The following ADCK1 variants were observed in gnomAD, a reference collection of about 807,000 sequenced individuals.
The protein encoded by ADCK1 is aarF domain-containing protein kinase 1.
Under a neutral mutation model 52.3 loss-of-function variants are expected in ADCK1, and 41 were observed. The ratio of observed to expected loss-of-function variants is 0.78; its 90% CI spans 0.61 to 1.02. The LOEUF (loss-of-function observed/expected upper bound fraction) is 1.02. ADCK1 is among the 50% of genes least tolerant of loss of function. ADCK1 has a pLI of 0.00. For synonymous variants in ADCK1, 250 were observed against 274.6 expected (o/e 0.91, Z 0.89); for missense variants, 658 against 679.5 (o/e 0.97, Z 0.35).
At chr14:77,926,572 C>A (rs563356923) in intron 9 of ADCK1, among the ~76,000 whole-genome samples, 1 of 152,210 alleles carries the variant, frequency 6.6e-6, no homozygotes, top group Admixed American at 6.5e-5. Context: ...CCTCTGCCTC[C>A]GGGGTTCAAG....
At chr14:77,881,348 G>A (rs2083017966) in intron 4 of ADCK1, among the ~76,000 whole-genome samples, 2 of 152,164 alleles carry the variant, frequency 1.3e-5, no homozygotes, top group Admixed American at 6.5e-5. Context: ...CCCAGAGCAA[G>A]CAATCCAAGG....
At chr14:77,864,921 A>G (rs2082631434) in intron 4 of ADCK1, among the ~76,000 whole-genome samples, 1 of 152,138 alleles carries the variant, frequency 6.6e-6, no homozygotes, top group African/African-American at 2.4e-5. Context: ...TCAGACCCTT[A>G]TCTGATTGCA....
chr14:77,895,108 G>A (rs947411933), intron 5 of ADCK1, among the ~76,000 whole-genome samples: 10 of 152,072 alleles, frequency 6.6e-5, no homozygotes, highest in African/African-American at 2.4e-4. Context: ...TTACATTTCT[G>A]TGTGGCCCAT....
chr14:77,805,207 A>AT (rs1321943610), intron 1 of ADCK1, among the ~76,000 whole-genome samples: 3 of 116,338 alleles, frequency 2.6e-5, no homozygotes, highest in African/African-American at 3.5e-5. Flanking sequence ...ACTCTGTCTC[A>AT]TTTAAAAAAA....
At chr14:77,857,087 C>T (rs947810179) in intron 3 of ADCK1, among the ~76,000 whole-genome samples, 6 of 151,972 alleles carry the variant, frequency 3.9e-5, no homozygotes, top group African/African-American at 1.2e-4. Flanking sequence ...TCTGCTGTGT[C>T]GGGAGGTGGG....
intron 6 of ADCK1, among the ~76,000 whole-genome samples, chr14:77,903,253 A>G (rs957464594): frequency 6.6e-5 from 10 of 152,244 alleles, no homozygotes; most frequent in African/African-American, 1.9e-4. Context: ...GCCTAAACAC[A>G]TAACAAGGGG....
chr14:77,874,983 G>T (rs2082866696), intron 4 of ADCK1, among the ~76,000 whole-genome samples: 1 of 152,128 alleles, frequency 6.6e-6, no homozygotes, highest in African/African-American at 2.4e-5. Context: ...TCTGTCCAGG[G>T]ACAGGAGGGG....
At chr14:77,859,807 T>C (rs1029105130) in intron 4 of ADCK1, among the ~76,000 whole-genome samples, 12 of 152,230 alleles carry the variant, frequency 7.9e-5, no homozygotes, top group African/African-American at 2.4e-4. Context: ...GTGCTTAGTA[T>C]AGTACCTGAT....
At position 77,885,470 on chromosome 14, in the gene ADCK1, A is replaced by G. The variant is rs567935551; in HGVS notation, c.424-1621A>G. 1.9e-3 allele frequency among the ~76,000 whole-genome samples: 295 copies of G among 152,296 alleles called. 1 individual carries two copies. The highest frequency in any genetic ancestry group is 6.8e-3 in the African/African-American group (282 of 41,558). On this transcript the variant is annotated intron_variant, in intron 4 of 10. Transcript: ENST00000238561. ...GGCCTTTCATCTGGGCAGGTTGTTG[A>G]TAAATGGGGATGGAGTTTAGTGAAA...
intron 7 of ADCK1, 68 bp downstream of exon 7, chr14:77,907,987 C>A (rs748476373): frequency 3.3e-5 from 44 of 1,349,106 alleles, no homozygotes; most frequent in Non-Finnish European, 4.3e-5. Flanking sequence ...CCAGGAAGTG[C>A]CTGTGTGTCC....
At chr14:77,853,780 G>A (rs2082362285) in intron 3 of ADCK1, among the ~76,000 whole-genome samples, 2 of 152,152 alleles carry the variant, frequency 1.3e-5, no homozygotes, top group African/African-American at 4.8e-5. Flanking sequence ...CTGTATATGC[G>A]GTGGGGTCTC....
chr14:77,862,607 A>G (rs1169533977), intron 4 of ADCK1, among the ~76,000 whole-genome samples: 2 of 152,186 alleles, frequency 1.3e-5, no homozygotes, highest in Non-Finnish European at 2.9e-5. Flanking sequence ...CCTTGACTCC[A>G]TGTTGGAGGA....
intron 7 of ADCK1, among the ~76,000 whole-genome samples, chr14:77,921,265 T>C (rs1332974604): frequency 7.6e-6 from 1 of 132,028 alleles, no homozygotes; most frequent in African/African-American, 2.9e-5. Context: ...AGGCGGAGCT[T>C]GCAGTGAGCC....
chr14:77,907,719 C>T, intron 6 of ADCK1, 84 bp from the exon 7 acceptor site: 2 of 1,002,750 alleles, frequency 2.0e-6, no homozygotes, highest in African/African-American at 1.6e-5. Flanking sequence ...GCCTCTGTTG[C>T]TGTCTGGCTC....
intron 7 of ADCK1, among the ~76,000 whole-genome samples, chr14:77,918,997 C>T (rs1183981514): frequency 1.3e-5 from 2 of 152,238 alleles, no homozygotes; most frequent in African/African-American, 2.4e-5. Flanking sequence ...CGCCCATAAA[C>T]ACCTGCTTCC....
intron 1 of ADCK1, among the ~76,000 whole-genome samples, chr14:77,809,544 G>A (rs2081294769): frequency 2.0e-5 from 3 of 151,638 alleles, no homozygotes; most frequent in Admixed American, 6.6e-5. Flanking sequence ...TGGCCAGGCT[G>A]GTCTTGAACT....
chr14:77,849,430 C>T (rs544092854), intron 3 of ADCK1, among the ~76,000 whole-genome samples: 3 of 151,788 alleles, frequency 2.0e-5, no homozygotes, highest in Non-Finnish European at 2.9e-5. Flanking sequence ...TTCTTTAGAA[C>T]GGTGTTATTT....
Position 77,894,736 on chromosome 14 carries a change from G to GTTTTTTTTTTTT in ADCK1, c.583-4347_583-4336dup. Among the ~76,000 whole-genome samples the GTTTTTTTTTTTT allele has an allele frequency of 6.6e-4, 24 of 36,476 alleles. 7 individuals are homozygous for GTTTTTTTTTTTT. Among genetic ancestry groups the GTTTTTTTTTTTT allele is most frequent in the South Asian group, 3.3e-3 (2 of 606 alleles). The allele number at this position is 36,476 out of a possible 152,430, so 23.9% of individuals were successfully genotyped here. A position where few individuals can be genotyped will look rare whatever the true frequency, so the allele number is the denominator to read the frequency against. On this transcript the variant is annotated intron_variant, in intron 5 of 10. Transcript: ENST00000238561. ...TTATTTCTTTTTCTTTTCTTTTCTT[G>GTTTTTTTTTTTT]TTTTTTTTTTTTTTTTTTTTTTTTT...
intron 4 of ADCK1, among the ~76,000 whole-genome samples, chr14:77,883,927 T>A (rs1375299741): frequency 6.6e-6 from 1 of 152,180 alleles, no homozygotes; most frequent in Non-Finnish European, 1.5e-5. Context: ...GCCTCCTTCA[T>A]GTCCTCTGGG....
Sources: allele counts gnomAD v4.1 joint callset (sites outside exome capture counted in the v4.1 genomes callset), GRCh38; gene constraint gnomAD v4.1.1; transcripts MANE v1.5; gene names NCBI Gene and HGNC (gene_info 2026-07-23, HGNC 2026-07-21).